SLC35F1: variants seen among roughly 807,000 people sequenced by gnomAD.
The protein encoded by SLC35F1 is solute carrier family 35 member F1.
Under a neutral mutation model 48.7 loss-of-function variants are expected in SLC35F1, and 14 were observed. The ratio of observed to expected loss-of-function variants is 0.29; its 90% CI spans 0.19 to 0.45. The LOEUF (loss-of-function observed/expected upper bound fraction) is 0.45. SLC35F1 is among the 20% of genes least tolerant of loss of function. The pLI, the probability that SLC35F1 is intolerant of heterozygous loss-of-function variation, is 1.00. For synonymous variants in SLC35F1, 190 were observed against 202.2 expected, an observed-to-expected ratio of 0.94 and a Z score of 0.51; for missense variants, 404 against 500.0, an observed-to-expected ratio of 0.81 and a Z score of 1.83.
chr6:118,181,609 C>T (rs1471996790), intron 2 of SLC35F1, among the ~76,000 whole-genome samples: 1 of 151,948 alleles, frequency 6.6e-6, no homozygotes, highest in Non-Finnish European at 1.5e-5. Flanking sequence ...TATCAGAAAT[C>T]AGTATCAATG....
chr6:118,082,930 G>A (rs976951954), intron 1 of SLC35F1, among the ~76,000 whole-genome samples: 4 of 152,132 alleles, frequency 2.6e-5, no homozygotes, highest in Non-Finnish European at 4.4e-5. Flanking sequence ...AGTCAGCCTG[G>A]ATGACACTCA....
At chr6:117,961,653 A>G (rs969234345) in intron 1 of SLC35F1, among the ~76,000 whole-genome samples, 4 of 152,078 alleles carry the variant, frequency 2.6e-5, no homozygotes, top group African/African-American at 9.7e-5. Context: ...TTATTCCACT[A>G]TCAGTTTCTT....
intron 1 of SLC35F1, among the ~76,000 whole-genome samples, chr6:117,946,733 C>T (rs916380689): frequency 3.9e-5 from 6 of 152,272 alleles, no homozygotes; most frequent in Admixed American, 2.6e-4. Context: ...AAAACATTGA[C>T]CTTTTTGCAC....
At chr6:118,118,887 A>G (rs1773508761) in intron 1 of SLC35F1, among the ~76,000 whole-genome samples, 1 of 152,004 alleles carries the variant, frequency 6.6e-6, no homozygotes, top group Admixed American at 6.6e-5. Flanking sequence ...CTCTGAGATG[A>G]AAATAGCAGC....
intron 1 of SLC35F1, chr6:117,999,370 G>T: frequency 6.3e-7 from 1 of 1,588,380 alleles, no homozygotes; most frequent in Non-Finnish European, 8.5e-7. Flanking sequence ...ATCAAACCAA[G>T]GCCCAGGCTG....
intron 2 of SLC35F1, among the ~76,000 whole-genome samples, chr6:118,162,721 C>G (rs1020369898): frequency 1.3e-5 from 2 of 152,164 alleles, no homozygotes; most frequent in African/African-American, 2.4e-5. Flanking sequence ...TTTTAGACAA[C>G]AAGAATGAAT....
rs1774307601 is a variant in SLC35F1 at position 118,165,714 on chromosome 6, A to T, written c.349+11094A>T. Among the ~76,000 whole-genome samples, 3 of 152,324 alleles carry T rather than the reference A, an allele frequency of 2.0e-5. No homozygotes were observed. The South Asian group carries it at 6.2e-4, about 32-fold the overall frequency. On this transcript the variant is annotated intron_variant, in intron 2 of 7. Transcript: ENST00000360388. ...GACCGAGGTACATGTCAACTGCAGA[A>T]GGTGAGGAAAAAGAAGTGTGATTTG... is the stretch of plus-strand genomic sequence containing the variant.
At chr6:118,193,086 C>T (rs758460943) in intron 2 of SLC35F1, among the ~76,000 whole-genome samples, 7 of 151,968 alleles carry the variant, frequency 4.6e-5, no homozygotes, top group Admixed American at 6.6e-5. Context: ...GTAGTTTATT[C>T]GAAAGGTAAA....
intron 1 of SLC35F1, among the ~76,000 whole-genome samples, chr6:118,046,909 T>C (rs1772309671): frequency 6.6e-6 from 1 of 152,080 alleles, no homozygotes; most frequent in South Asian, 2.1e-4. Context: ...TTTTAACATA[T>C]ATCAAGCTTG....
intron 1 of SLC35F1, among the ~76,000 whole-genome samples, chr6:118,000,931 T>C (rs1777083219): frequency 3.9e-5 from 6 of 151,974 alleles, no homozygotes; most frequent in Admixed American, 3.9e-4. Flanking sequence ...TACAAACCAC[T>C]GCTCAATGAA....
chr6:118,127,376 G>A lies in SLC35F1; in HGVS notation c.174-27069G>A, dbSNP rs866057580. On this transcript the variant is annotated intron_variant, in intron 1 of 7. Transcript: ENST00000360388. ...AGCTTTTTGATGTGCTGCTGGATTCGGTTTGCCAGTATTTTATTGAGGATT... is the reference window on the plus strand; with the variant it reads ...AGCTTTTTGATGTGCTGCTGGATTCAGTTTGCCAGTATTTTATTGAGGATT... Among the ~76,000 whole-genome samples, 16 of 151,930 alleles carry A rather than the reference G, an allele frequency of 1.1e-4. 1 individual carries two copies. Among genetic ancestry groups the A allele is most frequent in the East Asian group, 3.9e-4 (2 of 5,152 alleles).
intron 1 of SLC35F1, among the ~76,000 whole-genome samples, chr6:118,149,673 C>G (rs180984701): frequency 2.6e-5 from 4 of 152,092 alleles, no homozygotes; most frequent in African/African-American, 9.7e-5. Context: ...ATTAGCATGA[C>G]GAATAAAACC....
intron 2 of SLC35F1, among the ~76,000 whole-genome samples, chr6:118,163,635 G>A (rs945781867): frequency 4.6e-5 from 7 of 152,198 alleles, no homozygotes; most frequent in Non-Finnish European, 7.3e-5. Flanking sequence ...CATGCTGAGA[G>A]CTAGCATAGA....
chr6:118,000,320 A>G (rs1031511263), intron 1 of SLC35F1, among the ~76,000 whole-genome samples: 5 of 102,622 alleles, frequency 4.9e-5, no homozygotes, highest in Non-Finnish European at 9.6e-5. Flanking sequence ...AATGTAATCC[A>G]GCATATAAAC....
At chr6:117,992,488 A>G (rs1367697909) in intron 1 of SLC35F1, among the ~76,000 whole-genome samples, 1 of 152,102 alleles carries the variant, frequency 6.6e-6, no homozygotes, top group Non-Finnish European at 1.5e-5. Flanking sequence ...CTCAGTTATC[A>G]TTTGATAAAC....
intron 1 of SLC35F1, among the ~76,000 whole-genome samples, chr6:118,128,243 A>G (rs1278738749): frequency 9.4e-4 from 138 of 146,800 alleles, no homozygotes; most frequent in African/African-American, 1.4e-3. Flanking sequence ...CATTGTGGAA[A>G]TCAGTGTGGC....
chr6:117,943,491 T>G (rs1219328365), intron 1 of SLC35F1, among the ~76,000 whole-genome samples: 1 of 152,200 alleles, frequency 6.6e-6, no homozygotes, highest in Non-Finnish European at 1.5e-5. Context: ...TTTTAATGCC[T>G]CTTGTTGAAG....
At chr6:118,158,299 CAGTA>C (rs1774175047) in intron 2 of SLC35F1, among the ~76,000 whole-genome samples, 1 of 152,146 alleles carries the variant, frequency 6.6e-6, no homozygotes, top group Non-Finnish European at 1.5e-5. Context: ...TAGGCTGATT[CAGTA>C]CTATGTTCTG....
chr6:118,074,239 C>T (rs1582651596), intron 1 of SLC35F1, among the ~76,000 whole-genome samples: 1 of 152,202 alleles, frequency 6.6e-6, no homozygotes, highest in South Asian at 2.1e-4. Context: ...TTCACTACAA[C>T]CTTCTTAAGC....
Sources: gnomAD v4.1 joint callset for allele counts (sites outside exome capture counted in the v4.1 genomes callset) on GRCh38, gnomAD v4.1.1 for gene constraint, MANE v1.5 for transcripts, NCBI Gene and HGNC (gene_info 2026-07-23, HGNC 2026-07-21) for gene names.